Variants in HK3 observed in about 807,000 individuals in gnomAD.
The protein encoded by HK3 is hexokinase 3, also known as hexokinase-3.
A neutral mutation model predicts 91.0 loss-of-function variants in HK3; 93 were observed. The ratio of observed to expected loss-of-function variants is 1.02; its 90% CI spans 0.86 to 1.21. The LOEUF is 1.21. Ranked by LOEUF, HK3 falls within the 50% of genes most tolerant of loss-of-function variation. The probability of loss-of-function intolerance (pLI) is 0.00; values close to 1 mark genes in which losing one functional copy is unlikely to be tolerated. For missense variants in HK3, 1,235 were observed against 1,247.4 expected, an observed-to-expected ratio of 0.99 and a Z score of 0.15; for synonymous variants, 519 against 516.9, an observed-to-expected ratio of 1.00 and a Z score of -0.06.
chr5:176,888,018 A>G (rs910226281), intron 10 of HK3, among the ~76,000 whole-genome samples: 1 of 151,942 alleles, frequency 6.6e-6, no homozygotes, highest in Non-Finnish European at 1.5e-5. Context: ...CTCCCACCTC[A>G]GCCTCCCAGT....
At chr5:176,896,779 C>G (rs910035149) in intron 1 of HK3, among the ~76,000 whole-genome samples, 2 of 152,092 alleles carry the variant, frequency 1.3e-5, no homozygotes, top group Non-Finnish European at 2.9e-5. Flanking sequence ...GAAAGGGGTT[C>G]CACTAGTGAC....
Position 176,881,686 on chromosome 5 carries a change from A to C in HK3, c.2393+6T>G. Reference sequence around the variant, plus strand: ...AAGTGGGGGAGGCAATGTAGGCCTCAGGCACCTTTCGATCTCAGAGAGGAA... The same window carrying C: ...AAGTGGGGGAGGCAATGTAGGCCTCCGGCACCTTTCGATCTCAGAGAGGAA... On this transcript the variant is annotated splice_donor_region_variant and intron_variant, in intron 17 of 18. Coordinates refer to ENST00000292432, the MANE Select transcript of HK3 (RefSeq NM_002115.3). 1 of 1,614,010 alleles carries C rather than the reference A, an allele frequency of 6.2e-7. No homozygotes were observed. The highest frequency in any genetic ancestry group is 8.5e-7 in the Non-Finnish European group (1 of 1,179,996).
Position 176,888,504 on chromosome 5 carries a change from C to T in HK3, c.1132G>A (p.Ala378Thr). Residue 378 changes from alanine to threonine, a missense_variant, in exon 10 of 19, where the codon GCT (alanine) becomes ACT (threonine). Ala to Thr is a moderately conservative substitution (Grantham distance 58). This residue lies in a region of HK3 where 717 missense variants were observed against 751.6 expected (regional missense o/e 0.95). Transcript: ENST00000292432. ...TGCTGCACAAGCTCAACATCCGAAG[C>T]CCCAGGGCTCAGGCCCAAGTCCTGC... ...ILQDLGLSPG[A>T]SDVELVQHVC... is the part of the protein sequence containing the mutation. 1 of 1,554,444 alleles carries T rather than the reference C, an allele frequency of 6.4e-7. No homozygotes were observed. The highest frequency in any genetic ancestry group is 1.2e-5 in the South Asian group (1 of 84,626).
In HK3 at chr5:176,882,139, C is replaced by T. The variant is rs1459409472; in HGVS notation, c.2054-12G>A. ...ATTGGTGCCGGTTCCTGCAGAGAGGCCAGACAACGTGGAAGCTACTTACTG... is the reference window on the plus strand; with the variant it reads ...ATTGGTGCCGGTTCCTGCAGAGAGGTCAGACAACGTGGAAGCTACTTACTG... On this transcript the variant is annotated splice_polypyrimidine_tract_variant and intron_variant, in intron 15 of 18. Transcript: ENST00000292432. 5 of 1,612,074 alleles carry T rather than the reference C, an allele frequency of 3.1e-6. No homozygotes were observed. The highest frequency in any genetic ancestry group is 4.5e-5 in the East Asian group (2 of 44,864).
chr5:176,888,745 C>G lies in HK3; in HGVS notation c.1034G>C (p.Gly345Ala), dbSNP rs1470672220. The change falls in exon 9 of 19, where the codon GGC (glycine) becomes GCC (alanine). Residue 345 changes from glycine to alanine, a missense_variant. Gly to Ala is a moderately conservative substitution (Grantham distance 60). Transcript: ENST00000292432. ...GCTSPALLSQ[G>A]SILLEHVAEM... ...AGCCACGTGTTCCAGGAGGATGCTG[C>G]CTTGGCTCAGCAGGGCAGGGGAGGT... 1 of 1,614,106 alleles carries G rather than the reference C, an allele frequency of 6.2e-7. No individual in the cohort carries two copies. Among genetic ancestry groups the G allele is most frequent in the African/African-American group, 1.3e-5 (1 of 74,936 alleles).
At chr5:176,881,571 G>T in intron 17 of HK3, 36 bp from the exon 18 acceptor site, 1 of 1,586,412 alleles carries the variant, frequency 6.3e-7, no homozygotes, top group Non-Finnish European at 8.6e-7. Context: ...CAGGGAGGTG[G>T]GTCGTGACTT....
chr5:176,890,738 T>A lies in HK3; in HGVS notation c.535-8A>T. The A allele has an allele frequency of 6.2e-7, 1 of 1,614,008 alleles. No individual in the cohort carries two copies. Among genetic ancestry groups the A allele is most frequent in the South Asian group, 1.1e-5 (1 of 91,060 alleles). ...CCAGGAAATGAGGGTGCTCTGGAGG[T>A]AGAGAAGCTGGGTTACTCCTCTGAC... On this transcript the variant is annotated splice_polypyrimidine_tract_variant and splice_region_variant and intron_variant, in intron 5 of 18. Coordinates refer to ENST00000292432, the MANE Select transcript of HK3 (RefSeq NM_002115.3).
Position 176,881,469 on chromosome 5 carries a change from A to G in HK3, c.2460T>C (p.Asp820=). 2 of 1,608,760 alleles carry G rather than the reference A, an allele frequency of 1.2e-6. No homozygotes were observed. The highest frequency in any genetic ancestry group is 1.7e-6 in the Non-Finnish European group (2 of 1,180,000). The part of the protein sequence containing the change: ...LEDLGLPLTS[D]DALMVLEVCQ... Reference sequence around the variant, plus strand: ...ACACCTCTAGCACCATCAGGGCGTCATCTGAGGTCAGGGGTAGCCCCAGAT... The same window carrying G: ...ACACCTCTAGCACCATCAGGGCGTCGTCTGAGGTCAGGGGTAGCCCCAGAT... The change falls in exon 18 of 19, where the codon GAT becomes GAC. Residue 820 remains aspartate, a synonymous_variant. Coordinates refer to ENST00000292432, the MANE Select transcript of HK3 (RefSeq NM_002115.3).
intron 15 of HK3, among the ~76,000 whole-genome samples, chr5:176,882,684 A>G (rs1758473790): frequency 6.6e-6 from 1 of 152,232 alleles, no homozygotes; most frequent in South Asian, 2.1e-4. Context: ...CTCTGCCAAC[A>G]GGATCAGGAA....
At position 176,881,501 on chromosome 5, in the gene HK3, G is replaced by A; in HGVS notation, c.2428C>T (p.Leu810=). ...GTCAGGGGTAGCCCCAGATCCTCTAGGATGGCTCGGACCTGCCGCAGGGCC... is the reference window on the plus strand; with the variant it reads ...GTCAGGGGTAGCCCCAGATCCTCTAAGATGGCTCGGACCTGCCGCAGGGCC... ...SLALRQVRAI[L]EDLGLPLTSD... is the part of the protein sequence containing the mutation. Residue 810 remains leucine, a synonymous_variant, in exon 18 of 19, where the codon CTA becomes TTA. Coordinates refer to ENST00000292432, the MANE Select transcript of HK3 (RefSeq NM_002115.3). 5.6e-6 allele frequency: 9 copies of A among 1,605,772 alleles called. No homozygotes were observed. The highest frequency in any genetic ancestry group is 7.6e-6 in the Non-Finnish European group (9 of 1,179,396).
In HK3 at chr5:176,889,517, C is replaced by T; in HGVS notation, c.778G>A (p.Val260Met). ...ACGCGGCCCCGGTCTTCGTCCAGCA[C>T]TGCCACATGCCGTGCCTCCTCCATG... is the stretch of plus-strand genomic sequence containing the variant. The part of the protein sequence containing the change: ...CYMEEARHVA[V>M]LDEDRGRVCV... The change falls in exon 8 of 19, where the codon GTG (valine) becomes ATG (methionine). Residue 260 changes from valine to methionine, a missense_variant. Transcript: ENST00000292432. 1 of 1,614,232 alleles carries T rather than the reference C, an allele frequency of 6.2e-7. No homozygotes were observed.
At chr5:176,882,495 G>T (rs1186190205) in intron 15 of HK3, among the ~76,000 whole-genome samples, 1 of 152,214 alleles carries the variant, frequency 6.6e-6, no homozygotes, top group East Asian at 1.9e-4. Context: ...CGGCCTGCCA[G>T]GCCCTTAATC....
At chr5:176,885,087 C>T (rs1758547566) in intron 13 of HK3, among the ~76,000 whole-genome samples, 1 of 152,080 alleles carries the variant, frequency 6.6e-6, no homozygotes, top group Admixed American at 6.5e-5. Flanking sequence ...GAAGGGGAGG[C>T]AAAGGGGGAA....
Position 176,890,954 on chromosome 5 carries a change from T to TG in HK3, c.415-14dup, listed in dbSNP as rs749252230. The TG allele has an allele frequency of 7.4e-5, 120 of 1,613,540 alleles. No individual in the cohort carries two copies. Among genetic ancestry groups the TG allele is most frequent in the Non-Finnish European group, 8.1e-5 (95 of 1,179,948 alleles). On this transcript the variant is annotated splice_polypyrimidine_tract_variant and intron_variant, in intron 4 of 18. Coordinates refer to ENST00000292432, the MANE Select transcript of HK3 (RefSeq NM_002115.3). ...CAAAGTCAAAGAGCTGCAGGAGAAG[T>TG]GGGGGGGCTCAGCCTTGCCCATCTG...
chr5:176,887,770 C>T lies in HK3; in HGVS notation c.1305-24G>A, dbSNP rs762430031. On this transcript the variant is annotated intron_variant, in intron 10 of 18. Coordinates refer to ENST00000292432, the MANE Select transcript of HK3 (RefSeq NM_002115.3). The surrounding 1 kb of genome is among the most constrained non-coding windows in gnomAD (Gnocchi z 4.9). Reference sequence around the variant, plus strand: ...ACCTACAGATACATACAGGTGCACCCGGCTTGGCCCTGGACCCCCAGACAC... The same window carrying T: ...ACCTACAGATACATACAGGTGCACCTGGCTTGGCCCTGGACCCCCAGACAC... 4.4e-6 allele frequency: 7 copies of T among 1,579,214 alleles called. No homozygotes were observed. Among genetic ancestry groups the T allele is most frequent in the East Asian group, 4.5e-5 (2 of 44,420 alleles).
chr5:176,894,366 G>T (rs1758855240), intron 2 of HK3, among the ~76,000 whole-genome samples: 1 of 152,210 alleles, frequency 6.6e-6, no homozygotes, highest in Non-Finnish European at 1.5e-5. Context: ...TGGTGTCCCT[G>T]TGAAGTCCCC....
intron 1 of HK3, among the ~76,000 whole-genome samples, chr5:176,896,751 G>A (rs1398068510): frequency 1.3e-5 from 2 of 152,156 alleles, no homozygotes; most frequent in African/African-American, 2.4e-5. Flanking sequence ...TCATGGACAG[G>A]GGTGGATCTG....
At position 176,881,463 on chromosome 5, in the gene HK3, G is replaced by T. The variant is rs1260151380; in HGVS notation, c.2466C>A (p.Ala822=). 3.7e-6 allele frequency: 6 copies of T among 1,609,024 alleles called. No homozygotes were observed. The highest frequency in any genetic ancestry group is 5.1e-6 in the Non-Finnish European group (6 of 1,180,010). The change falls in exon 18 of 19, where the codon GCC becomes GCA. Residue 822 remains alanine, a synonymous_variant. Transcript: ENST00000292432. ...DLGLPLTSDD[A]LMVLEVCQAV... ...CCTGGCACACCTCTAGCACCATCAG[G>T]GCGTCATCTGAGGTCAGGGGTAGCC...
intron 13 of HK3, 94 bp downstream of exon 13, chr5:176,886,908 C>T (rs929531145): frequency 4.7e-5 from 69 of 1,466,344 alleles, no homozygotes; most frequent in Non-Finnish European, 6.3e-5. Context: ...AGACCCGCCA[C>T]CGCCCAGCCT....
Sources: gnomAD v4.1 joint callset for allele counts (sites outside exome capture counted in the v4.1 genomes callset) on GRCh38, gnomAD v4.1.1 for gene constraint, gnomAD v4.1.1 regional missense constraint, Gnocchi (gnomAD v3.1) non-coding constraint, MANE v1.5 for transcripts, NCBI Gene and HGNC (gene_info 2026-07-23, HGNC 2026-07-21) for gene names.